Variants in ZNF19 observed in about 807,000 individuals in gnomAD.
ZNF19 encodes the protein zinc finger protein 19 (KOX 12).
ZNF19 carries 11 observed loss-of-function variants against 13.1 expected under a neutral mutation model. The ratio of observed to expected loss-of-function variants is 0.84; its 90% CI spans 0.53 to 1.39. The LOEUF is 1.39. Ranked by LOEUF, ZNF19 falls within the 40% of genes most tolerant of loss-of-function variation. The probability of loss-of-function intolerance (pLI) is 0.00; values close to 1 mark genes in which losing one functional copy is unlikely to be tolerated. For synonymous variants in ZNF19, 186 were observed against 187.0 expected, an observed-to-expected ratio of 0.99 and a Z score of 0.04; for missense variants, 560 against 547.0, an observed-to-expected ratio of 1.02 and a Z score of -0.24.
chr16:71,475,873 G>C lies in ZNF19; in HGVS notation c.674C>G (p.Ala225Gly). 1.2e-6 allele frequency: 2 copies of C among 1,613,082 alleles called. No individual in the cohort carries two copies. Among genetic ancestry groups the C allele is most frequent in the Non-Finnish European group, 1.7e-6 (2 of 1,179,460 alleles). ...GATCAGATTTGCATTATCATTAAAG[G>C]CTCGCCCACACTCCTCACACTGATA... The part of the protein sequence containing the change: ...RPYQCEECGR[A>G]FNDNANLIRH... The change falls in exon 6 of 6, where the codon GCC becomes GGC. Residue 225 changes from alanine (A) to glycine (G), a missense_variant. By Grantham distance (60) the Ala-to-Gly change is moderately conservative (BLOSUM62 0). Coordinates refer to ENST00000288177, the MANE Select transcript of ZNF19 (RefSeq NM_006961.4).
chr16:71,481,941 C>T, intron 3 of ZNF19, 141 bp downstream of exon 3: 1 of 864,228 alleles, frequency 1.2e-6, no homozygotes, highest in Non-Finnish European at 1.9e-6. Flanking sequence ...AGCTCTTTCC[C>T]CAGCACCCAG....
chr16:71,485,464 AC>A (rs1421183254), intron 1 of ZNF19, among the ~76,000 whole-genome samples: 4 of 145,190 alleles, frequency 2.8e-5, no homozygotes, highest in Admixed American at 1.3e-4. Context: ...AAAAAAAAAA[AC>A]CAAAAAAACA....
At chr16:71,488,017 T>G (rs2145175154) in intron 1 of ZNF19, among the ~76,000 whole-genome samples, 1 of 152,234 alleles carries the variant, frequency 6.6e-6, no homozygotes, top group East Asian at 1.9e-4. Flanking sequence ...CCACTACTAT[T>G]TAACATCATA....
At position 71,476,209 on chromosome 16, in the gene ZNF19, C is replaced by T; in HGVS notation, c.338G>A (p.Gly113Glu). 1 of 1,614,098 alleles carries T rather than the reference C, an allele frequency of 6.2e-7. No individual in the cohort carries two copies. The highest frequency in any genetic ancestry group is 8.5e-7 in the Non-Finnish European group (1 of 1,180,002). Residue 113 changes from glycine (G) to glutamate (E), a missense_variant, in exon 6 of 6, where the codon GGG becomes GAG. Transcript: ENST00000288177. ...CTTCAGCTGACCATGTGACATCATC[C>T]CATCTCTTTCTTCAGAAATTCCCTG... ...LIQGISEERD[G>E]MMSHGQLKSV... is the part of the protein sequence containing the mutation.
chr16:71,477,697 C>T (rs976752365), intron 5 of ZNF19, among the ~76,000 whole-genome samples: 4 of 152,092 alleles, frequency 2.6e-5, no homozygotes, highest in Non-Finnish European at 5.9e-5. Context: ...CTAAAGGCAC[C>T]TCACGCCCTG....
chr16:71,478,983 AC>A lies in ZNF19; in HGVS notation c.55del (p.Val19TrpfsTer24). On this transcript the variant is annotated frameshift_variant, in exon 4 of 6. Transcript: ENST00000288177. LOFTEE classifies it high-confidence loss of function. ...TTCTGTCTTGGTGAAGTGCACAGCC[AC>A]ATCCTCGAAGGTCACCATCTCCTAA... ...QYQEMVTFED[V>X]AVHFTKTEWT... 3 of 1,614,252 alleles carry A rather than the reference AC, an allele frequency of 1.9e-6. No individual in the cohort carries two copies. The highest frequency in any genetic ancestry group is 1.6e-4 in the Middle Eastern group (1 of 6,062).
intron 5 of ZNF19, among the ~76,000 whole-genome samples, chr16:71,477,025 A>G (rs1360752359): frequency 6.6e-6 from 1 of 152,220 alleles, no homozygotes; most frequent in Non-Finnish European, 1.5e-5. Flanking sequence ...TATCAGCAAA[A>G]AGGAGACAAA....
intron 1 of ZNF19, among the ~76,000 whole-genome samples, chr16:71,485,903 A>G (rs1265776419): frequency 6.6e-6 from 1 of 152,052 alleles, no homozygotes; most frequent in Non-Finnish European, 1.5e-5. Context: ...GTCACTCTCC[A>G]TTTTCCCTCT....
chr16:71,478,375 C>T, intron 4 of ZNF19, 34 bp from the exon 5 acceptor site: 1 of 1,465,160 alleles, frequency 6.8e-7, no homozygotes, highest in Non-Finnish European at 9.5e-7. Context: ...CTTTTCAGCC[C>T]TGTATCTGCT....
chr16:71,476,360 G>C, intron 5 of ZNF19, 88 bp from the exon 6 acceptor site: 1 of 1,397,876 alleles, frequency 7.2e-7, no homozygotes, highest in Non-Finnish European at 9.5e-7. Flanking sequence ...GGCTTTAAAA[G>C]AGATCATTTC....
intron 5 of ZNF19, 95 bp downstream of exon 5, chr16:71,478,133 T>C (rs139341870): frequency 5.0e-6 from 4 of 796,170 alleles, no homozygotes; most frequent in Admixed American, 5.4e-5. Flanking sequence ...GGTGAAATCA[T>C]CTATTTTATT....
intron 3 of ZNF19, 67 bp from the exon 4 acceptor site, chr16:71,479,072 G>A: frequency 6.2e-7 from 1 of 1,612,266 alleles, no homozygotes; most frequent in South Asian, 1.1e-5. Context: ...GTGGGGCAGA[G>A]GGGACAGGTA....
chr16:71,476,009 G>A lies in ZNF19; in HGVS notation c.538C>T (p.Gln180Ter), dbSNP rs764709458. 1.2e-6 allele frequency: 2 copies of A among 1,614,132 alleles called. No homozygotes were observed. The highest frequency in any genetic ancestry group is 1.7e-6 in the Non-Finnish European group (2 of 1,180,006). The change falls in exon 6 of 6, where the codon CAG becomes TAG. Residue 180 changes from glutamine (Q) to a stop codon, truncating the protein, a stop_gained. Transcript: ENST00000288177. LOFTEE classifies it low-confidence loss of function (END_TRUNC). ...FSYFSYYARH[Q>*]RIHTGEKPFE... The stretch of plus-strand genomic sequence containing the variant: ...GGTTTCTCCCCAGTGTGGATTCTCT[G>A]GTGTCTAGCATAGTAAGAAAAGTAG...
At chr16:71,479,170 A>C in intron 3 of ZNF19, 165 bp from the exon 4 acceptor site, 1 of 854,222 alleles carries the variant, frequency 1.2e-6, no homozygotes, top group Non-Finnish European at 1.8e-6. Flanking sequence ...TATTTTTACA[A>C]CGAAAAATCT....
chr16:71,481,332 A>G (rs947181897), intron 3 of ZNF19, among the ~76,000 whole-genome samples: 24 of 152,360 alleles, frequency 1.6e-4, no homozygotes, highest in African/African-American at 5.5e-4. Context: ...TACTGGATAA[A>G]TAAGTGCCAG....
chr16:71,479,028 C>T (rs1250084877), intron 3 of ZNF19, 23 bp from the exon 4 acceptor site: 1 of 1,614,048 alleles, frequency 6.2e-7, no homozygotes, highest in Non-Finnish European at 8.5e-7. Context: ...GTTCCTGCTG[C>T]CCCAGAGCCA....
intron 2 of ZNF19, chr16:71,482,414 C>T (rs1019955167): frequency 4.9e-4 from 173 of 355,482 alleles, no homozygotes; most frequent in Non-Finnish European, 8.3e-4. Flanking sequence ...AAGCAAAAGA[C>T]ACCAATAAAC....
intron 5 of ZNF19, 113 bp downstream of exon 5, chr16:71,478,115 A>C: frequency 1.4e-6 from 1 of 693,700 alleles, no homozygotes; most frequent in Non-Finnish European, 2.5e-6. Context: ...TTCATATTTT[A>C]CCTATTAGGT....
At chr16:71,481,442 C>T (rs937382024) in intron 3 of ZNF19, among the ~76,000 whole-genome samples, 6 of 152,176 alleles carry the variant, frequency 3.9e-5, no homozygotes, top group Non-Finnish European at 8.8e-5. Context: ...TTATGTTCAC[C>T]TTACAAATGA....
Sources: gnomAD v4.1 joint callset for allele counts (sites outside exome capture counted in the v4.1 genomes callset) on GRCh38, gnomAD v4.1.1 for gene constraint, MANE v1.5 for transcripts, NCBI Gene and HGNC (gene_info 2026-07-23, HGNC 2026-07-21) for gene names.